Variants in ANO1 observed in about 807,000 individuals in gnomAD.
The protein encoded by ANO1 is anoctamin 1.
Under a neutral mutation model 124.0 loss-of-function variants are expected in ANO1, and 59 were observed. That is an observed-to-expected ratio of 0.48 (90% CI 0.39 to 0.59). The LOEUF (loss-of-function observed/expected upper bound fraction) is 0.59. Ranked by LOEUF, ANO1 falls within the 20% of genes least tolerant of loss-of-function variation. The probability of loss-of-function intolerance (pLI) is 0.00; values close to 1 mark genes in which losing one functional copy is unlikely to be tolerated. For missense variants in ANO1, 1,059 were observed against 1,328.0 expected, an observed-to-expected ratio of 0.80 and a Z score of 3.15; for synonymous variants, 529 against 532.0, an observed-to-expected ratio of 0.99 and a Z score of 0.08.
chr11:70,130,733 A>G (rs1481051850), intron 10 of ANO1, among the ~76,000 whole-genome samples: 1 of 152,240 alleles, frequency 6.6e-6, no homozygotes, highest in African/African-American at 2.4e-5. Flanking sequence ...TCAGCAAAGC[A>G]GAAGCCTGCA....
chr11:70,103,264 T>TA (rs113704420), intron 3 of ANO1, 100 bp downstream of exon 3: 197,977 of 798,010 alleles, frequency 0.25, 12,651 homozygotes, highest in South Asian at 0.3. Flanking sequence ...CTGAGTTTTA[T>TA]AAAAAAAAAA....
chr11:70,095,309 A>AAGG (rs1396550985), intron 2 of ANO1, among the ~76,000 whole-genome samples: 19 of 130,754 alleles, frequency 1.5e-4, no homozygotes, highest in East Asian at 2.3e-4. Context: ...GGAAAGAAAG[A>AAGG]AAGAAAGAAA....
At chr11:70,004,476 C>A (rs931051943) in intron 1 of ANO1, among the ~76,000 whole-genome samples, 4 of 152,204 alleles carry the variant, frequency 2.6e-5, no homozygotes, top group Admixed American at 6.5e-5. Context: ...GGTGAGGCAA[C>A]CTCTCACATG....
intron 7 of ANO1, among the ~76,000 whole-genome samples, chr11:70,113,462 G>A (rs1306733314): frequency 6.7e-6 from 1 of 148,340 alleles, no homozygotes; most frequent in Non-Finnish European, 1.5e-5. Context: ...CCTGAGTCTG[G>A]AGGAGCCCAC....
At chr11:70,060,378 C>T (rs1017458691) in intron 1 of ANO1, among the ~76,000 whole-genome samples, 14 of 152,184 alleles carry the variant, frequency 9.2e-5, no homozygotes, top group African/African-American at 2.9e-4. Flanking sequence ...GAACTGCCAT[C>T]GATAAACCAA....
chr11:70,010,179 G>GTGTGTATATATATA, intron 1 of ANO1, among the ~76,000 whole-genome samples: 1 of 83,776 alleles, frequency 1.2e-5, no homozygotes, highest in African/African-American at 4.7e-5. Flanking sequence ...GTGTGTGTGT[G>GTGTGTATATATATA]TATATATATA....
chr11:70,079,064 G>A (rs1358243216), intron 1 of ANO1, among the ~76,000 whole-genome samples: 3 of 152,156 alleles, frequency 2.0e-5, no homozygotes, highest in Non-Finnish European at 2.9e-5. Context: ...CTGGCGCCCT[G>A]GATGGGACCT....
At chr11:70,134,210 G>A (rs553026202) in intron 11 of ANO1, among the ~76,000 whole-genome samples, 14 of 152,290 alleles carry the variant, frequency 9.2e-5, no homozygotes, top group African/African-American at 2.4e-4. Flanking sequence ...CCACATGGTC[G>A]CCAGCAGCTC....
At chr11:70,004,295 T>A (rs965308710) in intron 1 of ANO1, among the ~76,000 whole-genome samples, 1 of 151,820 alleles carries the variant, frequency 6.6e-6, no homozygotes, top group Admixed American at 6.6e-5. Context: ...TGAGAGAGAG[T>A]GTGTGCAAAA....
intron 11 of ANO1, among the ~76,000 whole-genome samples, chr11:70,149,198 C>T (rs531611586): frequency 3.9e-5 from 6 of 152,264 alleles, no homozygotes; most frequent in Admixed American, 3.3e-4. Context: ...TGGGTAACCT[C>T]GGTCGGGACT....
chr11:70,031,359 G>C (rs1856998115), intron 1 of ANO1, among the ~76,000 whole-genome samples: 1 of 152,134 alleles, frequency 6.6e-6, no homozygotes. Context: ...TGAAACATTT[G>C]AAATTCTCTG....
chr11:70,030,246 T>C (rs1565164659), intron 1 of ANO1, among the ~76,000 whole-genome samples: 1 of 152,132 alleles, frequency 6.6e-6, no homozygotes, highest in Non-Finnish European at 1.5e-5. Context: ...CTGTGGGAAA[T>C]TGGCATCTGG....
chr11:69,977,287 C>T, the ANO1 span, among the ~76,000 whole-genome samples: 1 of 152,196 alleles, frequency 6.6e-6, no homozygotes, highest in African/African-American at 2.4e-5. Context: ...TGGTCCCAGC[C>T]ACCACACTCA....
chr11:70,083,514 G>A (rs2044263145), intron 1 of ANO1, among the ~76,000 whole-genome samples: 1 of 152,166 alleles, frequency 6.6e-6, no homozygotes, highest in African/African-American at 2.4e-5. Context: ...GAGGGTAGGT[G>A]TGTCCCTTGA....
At chr11:70,147,277 T>G (rs2047416952) in intron 11 of ANO1, among the ~76,000 whole-genome samples, 1 of 152,220 alleles carries the variant, frequency 6.6e-6, no homozygotes, top group East Asian at 1.9e-4. Context: ...CCTCCTCCAC[T>G]GCTCCAGAGC....
At chr11:70,029,536 C>A (rs1307398283) in intron 1 of ANO1, among the ~76,000 whole-genome samples, 1 of 152,242 alleles carries the variant, frequency 6.6e-6, no homozygotes, top group Non-Finnish European at 1.5e-5. Flanking sequence ...AAACTTTCAA[C>A]CCACCAGTCA....
the ANO1 span, among the ~76,000 whole-genome samples, chr11:69,966,514 G>A: frequency 1.1e-3 from 169 of 152,352 alleles, 1 homozygote; most frequent in African/African-American, 3.9e-3. Flanking sequence ...GCGTCGCCGG[G>A]TGGGGTGGCC....
At chr11:70,127,691 T>A (rs2509164) in intron 10 of ANO1, among the ~76,000 whole-genome samples, 1 of 151,788 alleles carries the variant, frequency 6.6e-6, no homozygotes, top group African/African-American at 2.4e-5. Flanking sequence ...AGTGGGGCCC[T>A]GTAGCCAAAA....
intron 1 of ANO1, among the ~76,000 whole-genome samples, chr11:70,010,943 G>A (rs1555001011): frequency 6.6e-6 from 1 of 152,240 alleles, no homozygotes. Flanking sequence ...CCCTGGGGCA[G>A]GGACTGCCTG....
Sources: gnomAD v4.1 joint callset for allele counts (sites outside exome capture counted in the v4.1 genomes callset) on GRCh38, gnomAD v4.1.1 for gene constraint, MANE v1.5 for transcripts, NCBI Gene and HGNC (gene_info 2026-07-23, HGNC 2026-07-21) for gene names.